Variants in KCNQ3 observed in about 807,000 individuals in gnomAD.
KCNQ3 encodes the protein potassium voltage-gated channel subfamily Q member 3.
In KCNQ3, 30 loss-of-function variants were observed where a neutral mutation model predicts 92.5. The ratio of observed to expected loss-of-function variants is 0.32; its 90% CI spans 0.24 to 0.44. The LOEUF (loss-of-function observed/expected upper bound fraction) is 0.44. KCNQ3 is among the 20% of genes least tolerant of loss of function. The pLI is 1.00. For missense variants in KCNQ3, 913 were observed against 1,140.3 expected (o/e 0.80, Z 2.87); for synonymous variants, 450 against 468.8 (o/e 0.96, Z 0.52).
At chr8:132,189,067 G>T (rs1827079889) in intron 1 of KCNQ3, among the ~76,000 whole-genome samples, 2 of 152,122 alleles carry the variant, frequency 1.3e-5, no homozygotes, top group African/African-American at 4.8e-5. Context: ...TCACAGCCTT[G>T]TCATCTCCCG....
At chr8:132,302,466 CT>C (rs1171829573) in intron 1 of KCNQ3, among the ~76,000 whole-genome samples, 2 of 152,214 alleles carry the variant, frequency 1.3e-5, no homozygotes, top group African/African-American at 4.8e-5. Context: ...CACCTCGCCC[CT>C]GTTGGCATTT....
intron 1 of KCNQ3, among the ~76,000 whole-genome samples, chr8:132,208,392 T>C (rs184162571): frequency 2.0e-5 from 3 of 152,084 alleles, no homozygotes; most frequent in African/African-American, 7.2e-5. Context: ...GACCCCTAAG[T>C]TAAGGCTAGT....
chr8:132,245,132 G>A (rs1586860238), intron 1 of KCNQ3, among the ~76,000 whole-genome samples: 1 of 152,104 alleles, frequency 6.6e-6, no homozygotes, highest in Non-Finnish European at 1.5e-5. Context: ...AAAGAACTGA[G>A]TTTCCTCTGT....
intron 1 of KCNQ3, among the ~76,000 whole-genome samples, chr8:132,471,722 T>C (rs1330135763): frequency 6.6e-6 from 1 of 152,186 alleles, no homozygotes; most frequent in Non-Finnish European, 1.5e-5. Flanking sequence ...AAATATTTTA[T>C]GCCCGTGACC....
intron 1 of KCNQ3, among the ~76,000 whole-genome samples, chr8:132,431,704 G>A (rs1160573315): frequency 1.3e-5 from 2 of 152,194 alleles, no homozygotes; most frequent in African/African-American, 4.8e-5. Flanking sequence ...TGCTTTCAGG[G>A]TGAAACATCT....
intron 1 of KCNQ3, among the ~76,000 whole-genome samples, chr8:132,450,012 G>A (rs1167893655): frequency 1.3e-5 from 2 of 152,172 alleles, no homozygotes; most frequent in South Asian, 2.1e-4. Context: ...GAATGAAGCC[G>A]TGGACCTCCG....
At chr8:132,437,899 T>C (rs536530488) in intron 1 of KCNQ3, among the ~76,000 whole-genome samples, 5 of 152,346 alleles carry the variant, frequency 3.3e-5, no homozygotes, top group African/African-American at 1.2e-4. Context: ...TGTAAGAACA[T>C]TGCCCCAGGA....
intron 1 of KCNQ3, among the ~76,000 whole-genome samples, chr8:132,187,781 TGGTGGTGGC>T: frequency 6.6e-6 from 1 of 150,570 alleles, no homozygotes; most frequent in South Asian, 2.1e-4. Flanking sequence ...GTGATAGTGA[TGGTGGTGGC>T]GGTGGTGGTG....
chr8:132,420,095 C>A (rs1050511153), intron 1 of KCNQ3, among the ~76,000 whole-genome samples: 3 of 152,116 alleles, frequency 2.0e-5, no homozygotes, highest in African/African-American at 4.8e-5. Flanking sequence ...TTCTGGGGTG[C>A]AGACTGACAC....
At chr8:132,406,142 G>A (rs1280994873) in intron 1 of KCNQ3, among the ~76,000 whole-genome samples, 4 of 152,158 alleles carry the variant, frequency 2.6e-5, no homozygotes, top group Non-Finnish European at 5.9e-5. Flanking sequence ...GAAGGGTGTC[G>A]TTTCAAAATA....
intron 7 of KCNQ3, 65 bp from the exon 8 acceptor site, chr8:132,170,493 A>G: frequency 1.0e-6 from 1 of 980,280 alleles, no homozygotes; most frequent in Non-Finnish European, 1.7e-6. Context: ...ACAGACTCCC[A>G]CACCAACAAA....
At chr8:132,272,347 A>C (rs927292887) in intron 1 of KCNQ3, among the ~76,000 whole-genome samples, 9 of 152,156 alleles carry the variant, frequency 5.9e-5, no homozygotes, top group African/African-American at 2.2e-4. Context: ...ATGAACTCAC[A>C]ATTGGTTCAT....
intron 1 of KCNQ3, among the ~76,000 whole-genome samples, chr8:132,337,759 T>C (rs1044777187): frequency 1.3e-5 from 2 of 152,122 alleles, no homozygotes; most frequent in Admixed American, 6.5e-5. Flanking sequence ...AGGATAAAAA[T>C]CAATGTGCCT....
chr8:132,374,466 C>T (rs1819558035), intron 1 of KCNQ3, among the ~76,000 whole-genome samples: 1 of 152,184 alleles, frequency 6.6e-6, no homozygotes, highest in Middle Eastern at 3.2e-3. Context: ...GGCCTTGGCC[C>T]AGTACTGCCC....
rs976967645 is a variant in KCNQ3, at chr8:132,139,925, T to C, written c.1568+151A>G. ...TTTTTTCTGGGGCAGCATACAGTAT[T>C]TACATACTTCAGGGACCTAACTCAG... On this transcript the variant is annotated intron_variant, in intron 11 of 14. Coordinates refer to ENST00000388996, the MANE Select transcript of KCNQ3 (RefSeq NM_004519.4). The C allele has an allele frequency of 3.4e-5, 21 of 609,916 alleles. No individual in the cohort carries two copies. In the African/African-American group the frequency reaches 3.7e-4, roughly 11 times the overall value. The allele number at this position is 609,916 out of a possible 1,614,324, so 37.8% of individuals were successfully genotyped here. A position where few individuals can be genotyped will look rare whatever the true frequency, so the allele number is the denominator to read the frequency against.
At chr8:132,385,054 T>C (rs1018772605) in intron 1 of KCNQ3, among the ~76,000 whole-genome samples, 23 of 152,198 alleles carry the variant, frequency 1.5e-4, no homozygotes, top group Non-Finnish European at 2.9e-5. Flanking sequence ...TAGAGGACTA[T>C]GTTGGCTGAA....
chr8:132,347,323 T>C (rs1200468960), intron 1 of KCNQ3, among the ~76,000 whole-genome samples: 1 of 152,156 alleles, frequency 6.6e-6, no homozygotes, highest in East Asian at 1.9e-4. Flanking sequence ...CCAGGCATGA[T>C]GATGCGATGG....
At chr8:132,258,327 G>A (rs576639066) in intron 1 of KCNQ3, among the ~76,000 whole-genome samples, 3 of 151,950 alleles carry the variant, frequency 2.0e-5, no homozygotes, top group Non-Finnish European at 4.4e-5. Flanking sequence ...TAATGACAAC[G>A]TAATAAAATT....
In KCNQ3 at chr8:132,426,516, C is replaced by T. The variant is rs143386435; in HGVS notation, c.386+53631G>A. ...ACCAGCATGGCACGCAGTGTCCTCC[C>T]CCTGGGGCTGTGAGTATATGTGAAG... On this transcript the variant is annotated intron_variant, in intron 1 of 14. Coordinates refer to ENST00000388996, the MANE Select transcript of KCNQ3 (RefSeq NM_004519.4). Among the ~76,000 whole-genome samples the T allele has an allele frequency of 3.5e-3, 530 of 152,328 alleles. 3 individuals carry two copies. Among genetic ancestry groups the T allele is most frequent in the African/African-American group, 0.012 (509 of 41,574 alleles).
Sources: allele counts gnomAD v4.1 joint callset (sites outside exome capture counted in the v4.1 genomes callset), GRCh38; gene constraint gnomAD v4.1.1; transcripts MANE v1.5; gene names NCBI Gene and HGNC (gene_info 2026-07-23, HGNC 2026-07-21).